ADGRD2: variants seen among roughly 807,000 people sequenced by gnomAD.
The protein encoded by ADGRD2 is adhesion G protein-coupled receptor D2, also known as G protein-coupled receptor PGR24.
ADGRD2 carries 71 observed loss-of-function variants against 44.4 expected under a neutral mutation model. The ratio of observed to expected loss-of-function variants is 1.60; its 90% CI spans 1.32 to 1.95. ADGRD2 has a LOEUF of 1.95. Among genes scored for constraint, ADGRD2 ranks in the 30% most tolerant of loss-of-function variants. The pLI, the probability that ADGRD2 is intolerant of heterozygous loss-of-function variation, is 0.00. For missense variants in ADGRD2, 1,039 were observed against 512.4 expected, an observed-to-expected ratio of 2.03 and a Z score of -9.92; for synonymous variants, 481 against 224.8, an observed-to-expected ratio of 2.14 and a Z score of -10.19.
chr9:124,452,863 T>A, intron 2 of ADGRD2, 141 bp downstream of exon 5: 2 of 610,712 alleles, frequency 3.3e-6, no homozygotes, highest in South Asian at 1.9e-5. Context: ...TGCCCTGGAC[T>A]GGGCGTCGGG....
rs151310048 is a variant in ADGRD2, at chr9:124,456,408, T to C, written c.1394-214T>C. Reference sequence around the variant, plus strand: ...CAGGAGGATGGGGTGGCTTGGGAGATAGAATTGGATAGGTCGAAGGAGGCT... The same window carrying C: ...CAGGAGGATGGGGTGGCTTGGGAGACAGAATTGGATAGGTCGAAGGAGGCT... On this transcript the variant is annotated intron_variant, in intron 6 of 21. Coordinates refer to ENST00000334810, the Ensembl canonical transcript of ADGRD2. 3.5e-3 allele frequency among the ~76,000 whole-genome samples: 528 copies of C among 152,174 alleles called. 4 individuals carry two copies. The highest frequency in any genetic ancestry group is 0.012 in the African/African-American group (510 of 41,520).
chr9:124,461,947 A>G (rs10986351), intron 10 of ADGRD2, among the ~76,000 whole-genome samples: 3,524 of 152,196 alleles, frequency 0.023, 114 homozygotes, highest in African/African-American at 0.079. Flanking sequence ...GGGTTTCACC[A>G]TGTTGGCCAG....
At chr9:124,451,277 G>A (rs1047490082), upstream of ADGRD2, 2 of 465,906 alleles carry the variant, frequency 4.3e-6, no homozygotes, top group Middle Eastern at 5.9e-4. Context: ...AAGCCCACCT[G>A]GACCTGAGCT....
At chr9:124,473,896 G>T (rs1831997774) in intron 17 of ADGRD2, among the ~76,000 whole-genome samples, 1 of 151,448 alleles carries the variant, frequency 6.6e-6, no homozygotes, top group Non-Finnish European at 1.5e-5. Flanking sequence ...AAATGGTGGG[G>T]AGACATGAGG....
At chr9:124,455,833 G>C (rs779956651) in intron 6 of ADGRD2, among the ~76,000 whole-genome samples, 1 of 152,174 alleles carries the variant, frequency 6.6e-6, no homozygotes, top group African/African-American at 2.4e-5. Context: ...AGTGGCTGTC[G>C]GCCTGGGAGT....
At position 124,475,486 on chromosome 9, in the gene ADGRD2, AGGT is replaced by A. The variant is rs1298681529; in HGVS notation, c.2800+1_2800+3del. 6 of 714,232 alleles carry A rather than the reference AGGT, an allele frequency of 8.4e-6. No individual in the cohort carries two copies. The highest frequency in any genetic ancestry group is 1.6e-5 in the Non-Finnish European group (6 of 382,936). 44.2% of individuals were successfully genotyped at this position (714,232 alleles called of 1,614,324 possible). A position where few individuals can be genotyped will look rare whatever the true frequency, so the allele number is the denominator to read the frequency against. ...CTGGTTTATGCTGCCTGCAATGAGG[AGGT>A]GAGTCTGGGGGTGCCGGCTGCAGGG... is the stretch of plus-strand genomic sequence containing the variant. On this transcript the variant is annotated splice_donor_variant and coding_sequence_variant, in exon 18 of 22. Coordinates refer to ENST00000334810, the Ensembl canonical transcript of ADGRD2. LOFTEE classifies it high-confidence loss of function.
exon 2 of ADGRD2, chr9:124,452,670 T>G (rs983502789): frequency 2.2e-5 from 16 of 717,348 alleles, no homozygotes; most frequent in Non-Finnish European, 3.9e-5. Flanking sequence ...GGCTGCGCGA[T>G]CCGGTCTGGG....
chr9:124,462,947 CCT>C (rs373376647), intron 10 of ADGRD2, among the ~76,000 whole-genome samples: 4 of 150,614 alleles, frequency 2.7e-5, no homozygotes, highest in African/African-American at 9.8e-5. Flanking sequence ...CTCTCTCTCT[CCT>C]TCCTTCCTTC....
At chr9:124,452,460 G>T (rs1462692338) in intron 1 of ADGRD2, 50 bp from the exon 5 acceptor site, 2 of 717,600 alleles carry the variant, frequency 2.8e-6, no homozygotes, top group Non-Finnish European at 2.6e-6. Flanking sequence ...CCCTGGAAGA[G>T]TCAGATGCCC....
chr9:124,465,344 A>G (rs1201505446), intron 10 of ADGRD2: 1 of 133,890 alleles, frequency 7.5e-6, no homozygotes, highest in Non-Finnish European at 1.5e-5. Context: ...ATGAGTTTCC[A>G]TTTCCAGGTT....
At position 124,476,520 on chromosome 9, in the gene ADGRD2, G is replaced by A. The variant is rs1294781491; in HGVS notation, c.2904+105G>A. On this transcript the variant is annotated intron_variant, in intron 20 of 21. Transcript: ENST00000334810. The stretch of plus-strand genomic sequence containing the variant: ...GGGCCTGGGTAGGGCCGGGGTGGGG[G>A]CTTCCCGGGGATCTGTTTCTCTGTT... 4.7e-6 allele frequency: 3 copies of A among 640,294 alleles called. No homozygotes were observed. The African/African-American group carries it at 5.5e-5, about 12-fold the overall frequency. 39.7% of individuals were successfully genotyped at this position (640,294 alleles called of 1,614,324 possible). A position where few individuals can be genotyped will look rare whatever the true frequency, so the allele number is the denominator to read the frequency against.
exon 3 of ADGRD2, chr9:124,453,676 G>A (rs985039082): frequency 8.6e-6 from 6 of 698,704 alleles, no homozygotes; most frequent in African/African-American, 7.0e-5. Context: ...TCTCTGTCCC[G>A]GTACGACCCG....
At chr9:124,471,518 G>T (rs1334400814) in intron 17 of ADGRD2, among the ~76,000 whole-genome samples, 1 of 152,176 alleles carries the variant, frequency 6.6e-6, no homozygotes, top group East Asian at 1.9e-4. Context: ...TGAGCCCCAG[G>T]CCAGGCTCCT....
intron 2 of ADGRD2, 104 bp downstream of exon 5, chr9:124,452,826 A>C (rs1831514940): frequency 7.9e-6 from 5 of 634,814 alleles, no homozygotes; most frequent in Non-Finnish European, 2.9e-6. Context: ...GCCGGGAGTA[A>C]GACCCCATTG....
chr9:124,459,593 A>G (rs976429942), intron 10 of ADGRD2, among the ~76,000 whole-genome samples: 4 of 152,208 alleles, frequency 2.6e-5, no homozygotes, highest in Non-Finnish European at 5.9e-5. Context: ...AAATATTCAG[A>G]AAAAATAGCA....
intron 10 of ADGRD2, among the ~76,000 whole-genome samples, chr9:124,460,932 A>G (rs1180691145): frequency 2.0e-5 from 3 of 152,194 alleles, no homozygotes; most frequent in Non-Finnish European, 4.4e-5. Flanking sequence ...GCAGCATTGG[A>G]GAGTTCCAGT....
chr9:124,455,401 G>A (rs1831595462), intron 6 of ADGRD2, among the ~76,000 whole-genome samples: 1 of 152,134 alleles, frequency 6.6e-6, no homozygotes, highest in South Asian at 2.1e-4. Flanking sequence ...GACTAGCCTG[G>A]CCAACATAAT....
chr9:124,477,529 G>C (rs1190132307), intron 21 of ADGRD2, among the ~76,000 whole-genome samples: 1 of 152,242 alleles, frequency 6.6e-6, no homozygotes, highest in African/African-American at 2.4e-5. Flanking sequence ...AGGAAGTTGA[G>C]GCACAGAAAG....
At chr9:124,452,038 G>A, upstream of ADGRD2, 1 of 389,452 alleles carries the variant, frequency 2.6e-6, no homozygotes, top group Non-Finnish European at 5.2e-6. Flanking sequence ...TTCAACAACT[G>A]CAAGTGTGAG....
Sources: gnomAD v4.1 joint callset for allele counts (sites outside exome capture counted in the v4.1 genomes callset) on GRCh38, gnomAD v4.1.1 for gene constraint, MANE v1.5 for transcripts, NCBI Gene and HGNC (gene_info 2026-07-23, HGNC 2026-07-21) for gene names.